Variants in GREB1 observed in about 807,000 individuals in gnomAD.
GREB1 encodes the protein protein GREB1.
GREB1 carries 106 observed loss-of-function variants against 200.7 expected under a neutral mutation model. That is an observed-to-expected ratio of 0.53 (90% CI 0.45 to 0.62). GREB1 has a LOEUF of 0.62. Ranked by LOEUF, GREB1 falls within the 20% of genes least tolerant of loss-of-function variation. The pLI is 0.00. For synonymous variants in GREB1, 1,132 were observed against 1,092.4 expected, an observed-to-expected ratio of 1.04 and a Z score of -0.72; for missense variants, 2,243 against 2,556.8, an observed-to-expected ratio of 0.88 and a Z score of 2.65.
At chr2:11,540,555 C>T (rs993527284) in intron 1 of GREB1, 11 of 154,380 alleles carry the variant, frequency 7.1e-5, no homozygotes, top group African/African-American at 2.4e-4. Context: ...GAAACACTCT[C>T]TGACATTCTG....
chr2:11,637,478 C>G (rs1307947330), intron 30 of GREB1, among the ~76,000 whole-genome samples: 1 of 152,160 alleles, frequency 6.6e-6, no homozygotes, highest in Non-Finnish European at 1.5e-5. Context: ...ATGGAATGAT[C>G]AGTGTCTATA....
chr2:11,532,311 G>T (rs569838721), upstream of GREB1, among the ~76,000 whole-genome samples: 1 of 152,140 alleles, frequency 6.6e-6, no homozygotes, highest in Admixed American at 6.5e-5. Flanking sequence ...GTCTTGGAGC[G>T]AGGGAGGTTC....
At chr2:11,596,320 C>A in intron 13 of GREB1, 81 bp downstream of exon 13, 1 of 1,314,096 alleles carries the variant, frequency 7.6e-7, no homozygotes, top group Non-Finnish European at 1.1e-6. Flanking sequence ...CGCAGGTGTG[C>A]ACAGTGAGAG....
intron 1 of GREB1, among the ~76,000 whole-genome samples, chr2:11,528,327 TTTA>T (rs1204772856): frequency 6.6e-6 from 1 of 152,254 alleles, no homozygotes; most frequent in African/African-American, 2.4e-5. Context: ...AAGGCAAGAA[TTTA>T]TACACTGCAA....
At chr2:11,514,408 C>T (rs374524623) in intron 1 of GREB1, among the ~76,000 whole-genome samples, 2 of 152,328 alleles carry the variant, frequency 1.3e-5, no homozygotes, top group African/African-American at 4.8e-5. Context: ...ATCCTACACC[C>T]TTTTCACTAC....
chr2:11,514,649 G>A (rs891628590), intron 1 of GREB1, among the ~76,000 whole-genome samples: 4 of 152,242 alleles, frequency 2.6e-5, no homozygotes, highest in South Asian at 4.1e-4. Context: ...TGCCACTGCA[G>A]GTTTGGGAAG....
chr2:11,489,837 A>G (rs573725019), intron 1 of GREB1, among the ~76,000 whole-genome samples: 3 of 152,138 alleles, frequency 2.0e-5, no homozygotes, highest in African/African-American at 7.2e-5. Context: ...TATCGTTCCC[A>G]TTTTATAGGT....
Position 11,548,168 on chromosome 2 carries a change from C to G in GREB1, c.-161-8286C>G, listed in dbSNP as rs367705895. On this transcript the variant is annotated intron_variant, in intron 1 of 32. Coordinates refer to ENST00000381486, the MANE Select transcript of GREB1 (RefSeq NM_014668.4). This position sits in a 1 kb window ranked among gnomAD's most constrained non-coding sequence, Gnocchi z 5.1. ...CTACAGCTGGGCAACAGAGCAAGAC[C>G]CTGTCTCCAAAAAAAAAAAAACCCA... Among the ~76,000 whole-genome samples, 2 of 151,122 alleles carry G rather than the reference C, an allele frequency of 1.3e-5. No homozygotes were observed. Among genetic ancestry groups the G allele is most frequent in the Admixed American group, 6.6e-5 (1 of 15,220 alleles).
intron 1 of GREB1, among the ~76,000 whole-genome samples, chr2:11,522,458 G>C (rs1317369707): frequency 6.6e-6 from 1 of 152,118 alleles, no homozygotes; most frequent in Non-Finnish European, 1.5e-5. Context: ...ACTTGGCTGG[G>C]TCTGTCACAA....
chr2:11,527,039 C>T (rs1403173198), intron 1 of GREB1, among the ~76,000 whole-genome samples: 1 of 152,188 alleles, frequency 6.6e-6, no homozygotes, highest in Non-Finnish European at 1.5e-5. Context: ...TCCTGCCCTC[C>T]ATCCTTCCAC....
chr2:11,610,933 G>A lies in GREB1; in HGVS notation c.2912G>A (p.Arg971Gln), dbSNP rs1351897184. Residue 971 changes from arginine to glutamine, a missense_variant, in exon 18 of 33, where the codon CGG (arginine) becomes CAG (glutamine). Coordinates refer to ENST00000381486, the MANE Select transcript of GREB1 (RefSeq NM_014668.4). ...GCCTATGAGCGGCTGGCCCACGTGCGGGCCCGGCTGGCGCTGGAGGAGCAC... is the reference window on the plus strand; with the variant it reads ...GCCTATGAGCGGCTGGCCCACGTGCAGGCCCGGCTGGCGCTGGAGGAGCAC... Reference protein sequence around the residue: ...VVAYERLAHVRARLALEEHFE... With the variant: ...VVAYERLAHVQARLALEEHFE... The A allele has an allele frequency of 4.3e-6, 7 of 1,611,244 alleles. No homozygotes were observed. Among genetic ancestry groups the A allele is most frequent in the East Asian group, 2.2e-5 (1 of 44,804 alleles).
chr2:11,619,666 T>A (rs1307688312), intron 22 of GREB1, among the ~76,000 whole-genome samples: 1 of 152,218 alleles, frequency 6.6e-6, no homozygotes, highest in Non-Finnish European at 1.5e-5. Flanking sequence ...AAGGTTGACA[T>A]ATTCTTGTGT....
In GREB1 at chr2:11,618,756, C is replaced by G; in HGVS notation, c.3881C>G (p.Ser1294Cys). 6.2e-7 allele frequency: 1 copy of G among 1,613,418 alleles called. No individual in the cohort carries two copies. The highest frequency in any genetic ancestry group is 8.5e-7 in the Non-Finnish European group (1 of 1,179,902). ...LPSPSVMWAS[S>C]FRPLLSKTMT... ...TCCCCCTCGGTCATGTGGGCCAGCT[C>G]TTTCCGCCCCCTGCTCAGCAAGACC... The change falls in exon 22 of 33, where the codon TCT becomes TGT. Residue 1294 changes from serine (S) to cysteine (C), a missense_variant. Physicochemically the swap from Ser to Cys is moderately radical, Grantham distance 112 (BLOSUM62 -1). Coordinates refer to ENST00000381486, the MANE Select transcript of GREB1 (RefSeq NM_014668.4).
chr2:11,575,569 A>G (rs1262336014), intron 4 of GREB1, among the ~76,000 whole-genome samples: 1 of 152,196 alleles, frequency 6.6e-6, no homozygotes, highest in African/African-American at 2.4e-5. Context: ...CAGCAGCAAG[A>G]TAGTCACATT....
In GREB1 at chr2:11,548,939, A is replaced by G. The variant is rs1266342207; in HGVS notation, c.-161-7515A>G. ...CTTAAAATTTTCCGGGCATTATTTC[A>G]TTATTTCCAATGTCCACTATTGCTG... On this transcript the variant is annotated intron_variant, in intron 1 of 32. Transcript: ENST00000381486. This position sits in a 1 kb window ranked among gnomAD's most constrained non-coding sequence, Gnocchi z 5.1. Among the ~76,000 whole-genome samples, 1 of 152,102 alleles carries G rather than the reference A, an allele frequency of 6.6e-6. No homozygotes were observed. Among genetic ancestry groups the G allele is most frequent in the Non-Finnish European group, 1.5e-5 (1 of 68,012 alleles).
intron 1 of GREB1, among the ~76,000 whole-genome samples, chr2:11,521,694 T>C (rs1572584870): frequency 6.6e-6 from 1 of 152,234 alleles, no homozygotes; most frequent in East Asian, 1.9e-4. Flanking sequence ...AAAGAACTCA[T>C]TCCGATTCAA....
intron 18 of GREB1, 58 bp downstream of exon 18, chr2:11,611,085 G>A (rs1572913128): frequency 7.2e-7 from 1 of 1,386,692 alleles, no homozygotes; most frequent in South Asian, 1.4e-5. Flanking sequence ...AGAGCTGAGG[G>A]GCCCACCAGA....
chr2:11,618,655 C>T lies in GREB1; in HGVS notation c.3780C>T (p.Phe1260=). 6.2e-7 allele frequency: 1 copy of T among 1,613,740 alleles called. No individual in the cohort carries two copies. The highest frequency in any genetic ancestry group is 8.5e-7 in the Non-Finnish European group (1 of 1,179,974). The stretch of plus-strand genomic sequence containing the variant: ...CCTGCCGCCAGCCACCCATTGTCTT[C>T]TTGCCCAAGCTCGTGTACGACATGG... ...TKACRQPPIV[F]LPKLVYDMVV... is the part of the protein sequence containing the mutation. The change falls in exon 22 of 33, where the codon TTC becomes TTT. Residue 1260 remains phenylalanine (F), a synonymous_variant. Transcript: ENST00000381486.
chr2:11,490,671 C>T (rs1466244077), intron 1 of GREB1, among the ~76,000 whole-genome samples: 3 of 152,216 alleles, frequency 2.0e-5, no homozygotes, highest in Non-Finnish European at 2.9e-5. Context: ...CTCTCAGCCT[C>T]CTGAGTAGCT....
Sources: gnomAD v4.1 joint callset for allele counts (sites outside exome capture counted in the v4.1 genomes callset) on GRCh38, gnomAD v4.1.1 for gene constraint, Gnocchi (gnomAD v3.1) non-coding constraint, MANE v1.5 for transcripts, NCBI Gene and HGNC (gene_info 2026-07-23, HGNC 2026-07-21) for gene names.